KCNQ1OT1: variants seen among roughly 807,000 people sequenced by gnomAD.
KCNQ1OT1 encodes the protein KCNQ1 antisense RNA 2 (non-protein coding).
chr11:2,627,473 C>T lies in KCNQ1OT1; in HGVS notation n.72522G>A. 2.5e-6 allele frequency: 1 copy of T among 398,514 alleles called. No homozygotes were observed. Among genetic ancestry groups the T allele is most frequent in the Non-Finnish European group, 4.4e-6 (1 of 226,044 alleles). 24.7% of individuals were successfully genotyped at this position (398,514 alleles called of 1,614,324 possible). A position where few individuals can be genotyped will look rare whatever the true frequency, so the allele number is the denominator to read the frequency against. On this transcript the variant is annotated non_coding_transcript_exon_variant, in exon 1 of 1. Transcript: ENST00000597346. The surrounding 1 kb of genome is among the most constrained non-coding windows in gnomAD (Gnocchi z 4.9). Reference sequence around the variant, plus strand: ...TCCTATTTCCCCTACTCCCTGACCCCTAGTAACCACCCTTCTACTCTCCGT... The same window carrying T: ...TCCTATTTCCCCTACTCCCTGACCCTTAGTAACCACCCTTCTACTCTCCGT...
exon 1 of KCNQ1OT1, chr11:2,622,714 T>A (rs940156880): frequency 5.3e-5 from 21 of 398,526 alleles, no homozygotes; most frequent in Admixed American, 8.8e-5. Flanking sequence ...ATGTGTATTT[T>A]AAAGACTTTA....
Position 2,695,404 on chromosome 11 carries a change from C to T in KCNQ1OT1, n.4591G>A, listed in dbSNP as rs1477895279. On this transcript the variant is annotated non_coding_transcript_exon_variant, in exon 1 of 1. Transcript: ENST00000597346. The surrounding 1 kb of genome is among the most constrained non-coding windows in gnomAD (Gnocchi z 5.2). ...GTGGTGTGTAATTTTAATTTAAATACACAGTCATGTACTGAGGCCCTCTTT... is the reference window on the plus strand; with the variant it reads ...GTGGTGTGTAATTTTAATTTAAATATACAGTCATGTACTGAGGCCCTCTTT... The T allele has an allele frequency of 1.8e-5, 7 of 398,448 alleles. No individual in the cohort carries two copies. The highest frequency in any genetic ancestry group is 1.4e-4 in the African/African-American group (7 of 48,608). The allele number at this position is 398,448 out of a possible 1,614,324, so 24.7% of individuals were successfully genotyped here.
rs749452345 is a variant in KCNQ1OT1, at chr11:2,678,259, C to A, written n.21736G>T. On this transcript the variant is annotated non_coding_transcript_exon_variant, in exon 1 of 1. Transcript: ENST00000597346. The surrounding 1 kb of genome is among the most constrained non-coding windows in gnomAD (Gnocchi z 4.9). ...GTCCTTATCTTAAATTCTGAAATAACCTCTCATCCTGAAATTGTTTTAATA... is the reference window on the plus strand; with the variant it reads ...GTCCTTATCTTAAATTCTGAAATAAACTCTCATCCTGAAATTGTTTTAATA... 10 of 398,216 alleles carry A rather than the reference C, an allele frequency of 2.5e-5. No homozygotes were observed. The highest frequency in any genetic ancestry group is 4.0e-5 in the Non-Finnish European group (9 of 225,980). 24.7% of individuals were successfully genotyped at this position (398,216 alleles called of 1,614,324 possible). A position where few individuals can be genotyped will look rare whatever the true frequency, so the allele number is the denominator to read the frequency against.
chr11:2,632,343 T>C (rs1202597718), exon 1 of KCNQ1OT1: 8 of 398,360 alleles, frequency 2.0e-5, no homozygotes, highest in African/African-American at 4.1e-5. Flanking sequence ...AATTCTTCCT[T>C]TCTAAATGAT....
Position 2,624,285 on chromosome 11 carries a change from T to G in KCNQ1OT1, n.75710A>C, listed in dbSNP as rs112738445. 2.5e-6 allele frequency: 1 copy of G among 398,494 alleles called. No homozygotes were observed. Among genetic ancestry groups the G allele is most frequent in the Admixed American group, 4.4e-5 (1 of 22,716 alleles). The allele number at this position is 398,494 out of a possible 1,614,324, so 24.7% of individuals were successfully genotyped here. On this transcript the variant is annotated non_coding_transcript_exon_variant, in exon 1 of 1. Coordinates refer to ENST00000597346, the Ensembl canonical transcript of KCNQ1OT1. The surrounding 1 kb of genome is among the most constrained non-coding windows in gnomAD (Gnocchi z 4.9). ...CAGATTGTTTGTTTTCTAATTGTTA[T>G]GTTTTTAAGGTTCTTTATATATTTT... is the stretch of plus-strand genomic sequence containing the variant.
At chr11:2,696,794 A>G (rs995825286) in exon 1 of KCNQ1OT1, 2 of 398,480 alleles carry the variant, frequency 5.0e-6, no homozygotes, top group African/African-American at 4.1e-5. Flanking sequence ...CTAGACTGGT[A>G]TAAATTTTGC....
At position 2,698,988 on chromosome 11, in the gene KCNQ1OT1, C is replaced by T. The variant is rs1453977729; in HGVS notation, n.1007G>A. On this transcript the variant is annotated non_coding_transcript_exon_variant, in exon 1 of 1. Transcript: ENST00000597346. This position sits in a 1 kb window ranked among gnomAD's most constrained non-coding sequence, Gnocchi z 5.1. ...GAACCACAACGGGGATTCCCACCTC[C>T]GATCCTAATTCGGGCCCTGACTCAG... 5.0e-6 allele frequency: 2 copies of T among 398,640 alleles called. No individual in the cohort carries two copies. Among genetic ancestry groups the T allele is most frequent in the Non-Finnish European group, 8.8e-6 (2 of 226,070 alleles). The allele number at this position is 398,640 out of a possible 1,614,324, so 24.7% of individuals were successfully genotyped here. A position where few individuals can be genotyped will look rare whatever the true frequency, so the allele number is the denominator to read the frequency against.
In KCNQ1OT1 at chr11:2,669,081, G is replaced by A. The variant is rs1850136006; in HGVS notation, n.30914C>T. On this transcript the variant is annotated non_coding_transcript_exon_variant, in exon 1 of 1. Transcript: ENST00000597346. The surrounding 1 kb of genome is among the most constrained non-coding windows in gnomAD (Gnocchi z 5.6). ...CTCTCCCAACTACCCTGCCGTATCA[G>A]TGTCTTTACAATCAGCTCACTGGCT... 5.0e-6 allele frequency: 2 copies of A among 398,630 alleles called. No individual in the cohort carries two copies. The highest frequency in any genetic ancestry group is 2.1e-5 in the African/African-American group (1 of 48,644). 24.7% of individuals were successfully genotyped at this position (398,630 alleles called of 1,614,324 possible). A position where few individuals can be genotyped will look rare whatever the true frequency, so the allele number is the denominator to read the frequency against.
In KCNQ1OT1 at chr11:2,690,700, G is replaced by C; in HGVS notation, n.9295C>G. ...ATAGGGGCTGTCTCTCAGAATTCCTGAGGGCTTTCCATTTGATCCCAGTGG... is the reference window on the plus strand; with the variant it reads ...ATAGGGGCTGTCTCTCAGAATTCCTCAGGGCTTTCCATTTGATCCCAGTGG... On this transcript the variant is annotated non_coding_transcript_exon_variant, in exon 1 of 1. Transcript: ENST00000597346. The surrounding 1 kb of genome is among the most constrained non-coding windows in gnomAD (Gnocchi z 5.1). 1 of 398,672 alleles carries C rather than the reference G, an allele frequency of 2.5e-6. No homozygotes were observed. Among genetic ancestry groups the C allele is most frequent in the Non-Finnish European group, 4.4e-6 (1 of 226,090 alleles). 24.7% of individuals were successfully genotyped at this position (398,672 alleles called of 1,614,324 possible).
chr11:2,616,071 T>C (rs921229567), exon 1 of KCNQ1OT1: 1 of 398,184 alleles, frequency 2.5e-6, no homozygotes, highest in Non-Finnish European at 4.4e-6. Context: ...AATTTCTGTT[T>C]TGGTCTGTAT....
exon 1 of KCNQ1OT1, chr11:2,699,050 G>A (rs1224894465): frequency 5.0e-6 from 2 of 398,436 alleles, no homozygotes; most frequent in Non-Finnish European, 4.4e-6. Flanking sequence ...GTCCCAATTC[G>A]GGCTTTGACT....
In KCNQ1OT1 at chr11:2,683,979, T is replaced by G. The variant is rs1414314517; in HGVS notation, n.16016A>C. 7.5e-6 allele frequency: 3 copies of G among 398,510 alleles called. No homozygotes were observed. Among genetic ancestry groups the G allele is most frequent in the Non-Finnish European group, 1.3e-5 (3 of 226,022 alleles). The allele number at this position is 398,510 out of a possible 1,614,324, so 24.7% of individuals were successfully genotyped here. A position where few individuals can be genotyped will look rare whatever the true frequency, so the allele number is the denominator to read the frequency against. ...CTTTTACTTTTTTTTTTTTTTCATT[T>G]AGAAGAATTTCCTTGGCAACTCCGT... is the stretch of plus-strand genomic sequence containing the variant. On this transcript the variant is annotated non_coding_transcript_exon_variant, in exon 1 of 1. Coordinates refer to ENST00000597346, the Ensembl canonical transcript of KCNQ1OT1. The surrounding 1 kb of genome is among the most constrained non-coding windows in gnomAD (Gnocchi z 4.7).
exon 1 of KCNQ1OT1, chr11:2,686,753 T>C: frequency 2.5e-6 from 1 of 398,622 alleles, no homozygotes; most frequent in Non-Finnish European, 4.4e-6. Context: ...TAGCTTTCAA[T>C]TGTAAATGTG....
chr11:2,697,257 T>G (rs1461327386), exon 1 of KCNQ1OT1: 3 of 398,444 alleles, frequency 7.5e-6, no homozygotes, highest in Admixed American at 8.8e-5. Flanking sequence ...CTTTGGGGGT[T>G]TCAATAACTT....
exon 1 of KCNQ1OT1, chr11:2,616,980 T>G: frequency 2.5e-6 from 1 of 398,228 alleles, no homozygotes; most frequent in Non-Finnish European, 4.4e-6. Context: ...TTTTTTAATT[T>G]TAAAAATATG....
chr11:2,644,318 T>C, exon 1 of KCNQ1OT1: 1 of 398,458 alleles, frequency 2.5e-6, no homozygotes, highest in Non-Finnish European at 4.4e-6. Context: ...AAAAGACTTA[T>C]CTTCAAGGTG....
chr11:2,624,367 G>A lies in KCNQ1OT1; in HGVS notation n.75628C>T, dbSNP rs1849228037. 3 of 398,442 alleles carry A rather than the reference G, an allele frequency of 7.5e-6. No homozygotes were observed. The highest frequency in any genetic ancestry group is 1.3e-5 in the Non-Finnish European group (3 of 226,012). The allele number at this position is 398,442 out of a possible 1,614,324, so 24.7% of individuals were successfully genotyped here. On this transcript the variant is annotated non_coding_transcript_exon_variant, in exon 1 of 1. Coordinates refer to ENST00000597346, the Ensembl canonical transcript of KCNQ1OT1. This position sits in a 1 kb window ranked among gnomAD's most constrained non-coding sequence, Gnocchi z 4.9. Reference sequence around the variant, plus strand: ...AAGTATTGTCTCCCTTCTGTGGCCTGTCCTTTCATCCTCTTGACAGTATGT... The same window carrying A: ...AAGTATTGTCTCCCTTCTGTGGCCTATCCTTTCATCCTCTTGACAGTATGT...
At chr11:2,689,862 C>A (rs1018857019) in exon 1 of KCNQ1OT1, 12 of 398,744 alleles carry the variant, frequency 3.0e-5, no homozygotes, top group African/African-American at 6.2e-5. Flanking sequence ...TTAGCACCCA[C>A]CCCTGCCTAT....
rs1455372987 is a variant in KCNQ1OT1, at chr11:2,652,320, T to G, written n.47675A>C. 2.5e-6 allele frequency: 1 copy of G among 398,672 alleles called. No homozygotes were observed. Among genetic ancestry groups the G allele is most frequent in the East Asian group, 3.6e-5 (1 of 28,082 alleles). 24.7% of individuals were successfully genotyped at this position (398,672 alleles called of 1,614,324 possible). On this transcript the variant is annotated non_coding_transcript_exon_variant, in exon 1 of 1. Coordinates refer to ENST00000597346, the Ensembl canonical transcript of KCNQ1OT1. This position sits in a 1 kb window ranked among gnomAD's most constrained non-coding sequence, Gnocchi z 5.9. The stretch of plus-strand genomic sequence containing the variant: ...CTCACTAATTGCTTTGATTATTGTG[T>G]GAAGTTAAGAACTGGCACATTTCCG...
Sources: gnomAD v4.1 joint callset for allele counts on GRCh38, gnomAD v4.1.1 for gene constraint, Gnocchi (gnomAD v3.1) non-coding constraint, MANE v1.5 for transcripts, NCBI Gene and HGNC (gene_info 2026-07-23, HGNC 2026-07-21) for gene names.